CGREF1: variants seen among roughly 807,000 people sequenced by gnomAD.
The protein encoded by CGREF1 is cell growth regulator with EF-hand domain 1.
Under a neutral mutation model 17.4 loss-of-function variants are expected in CGREF1, and 16 were observed. That is an observed-to-expected ratio of 0.92 (90% confidence interval 0.62 to 1.40). CGREF1 has a LOEUF of 1.40. Among genes scored for constraint, CGREF1 ranks in the 40% most tolerant of loss-of-function variants. CGREF1 has a pLI of 0.00. For synonymous variants in CGREF1, 142 were observed against 154.6 expected (o/e 0.92, Z 0.61); for missense variants, 296 against 376.4 (o/e 0.79, Z 1.77).
Position 27,102,109 on chromosome 2 carries a change from AG to A in CGREF1, c.329del (p.Pro110LeufsTer6). Reference sequence around the variant, plus strand: ...CAGCAGAGCTTACCGGGTTGGTGGTAGGAGAGTTGGCAGCTCCAGGGGCCAG... The same window carrying A: ...CAGCAGAGCTTACCGGGTTGGTGGTAGAGAGTTGGCAGCTCCAGGGGCCAG... ...AALAPGAANS[P>X]TTNPVILIVD... is the part of the protein sequence containing the mutation. On this transcript the variant is annotated frameshift_variant, in exon 5 of 6. Coordinates refer to ENST00000402394, the MANE Select transcript of CGREF1 (RefSeq NM_006569.6). LOFTEE classifies it low-confidence loss of function (END_TRUNC). The A allele has an allele frequency of 1.2e-6, 2 of 1,606,706 alleles. No individual in the cohort carries two copies. Among genetic ancestry groups the A allele is most frequent in the Non-Finnish European group, 1.7e-6 (2 of 1,174,266 alleles).
chr2:27,101,989 G>C lies in CGREF1; in HGVS notation c.343-101C>G, dbSNP rs570615054. 6.5e-5 allele frequency: 101 copies of C among 1,561,152 alleles called. No homozygotes were observed. In the African/African-American group the frequency reaches 1.2e-3, roughly 19 times the overall value. On this transcript the variant is annotated intron_variant, in intron 5 of 5. Coordinates refer to ENST00000402394, the MANE Select transcript of CGREF1 (RefSeq NM_006569.6). ...CTTGCATCCCTGCCGTGCAAGCTCTGAGCCCTCCTTTTACAGAGGACTCAC... is the reference window on the plus strand; with the variant it reads ...CTTGCATCCCTGCCGTGCAAGCTCTCAGCCCTCCTTTTACAGAGGACTCAC...
chr2:27,111,448 T>G (rs755042878), intron 1 of CGREF1, among the ~76,000 whole-genome samples: 2 of 152,230 alleles, frequency 1.3e-5, no homozygotes, highest in Non-Finnish European at 2.9e-5. Context: ...TCAGCTGGCT[T>G]CACCCAGTGG....
chr2:27,099,372 G>C, downstream of CGREF1: 1 of 1,611,896 alleles, frequency 6.2e-7, no homozygotes, highest in Non-Finnish European at 8.5e-7. Context: ...GAGGATGGCT[G>C]GGGGGACGGG....
At chr2:27,104,262 G>C in intron 2 of CGREF1, 25 bp downstream of exon 2, 2 of 1,527,466 alleles carry the variant, frequency 1.3e-6, no homozygotes, top group Non-Finnish European at 1.8e-6. Flanking sequence ...CCCAGCCCTT[G>C]GCCCTGCCCT....
intron 1 of CGREF1, among the ~76,000 whole-genome samples, chr2:27,106,832 G>C (rs957739024): frequency 2.0e-5 from 3 of 152,120 alleles, no homozygotes; most frequent in Admixed American, 6.6e-5. Flanking sequence ...TGGCCAAGCT[G>C]GTCTCGAACT....
downstream of CGREF1, chr2:27,100,085 A>C: frequency 1.7e-6 from 1 of 595,752 alleles, no homozygotes. Flanking sequence ...GGCCCAGAGG[A>C]GGGGCTGCCT....
intron 5 of CGREF1, 65 bp from the exon 6 acceptor site, chr2:27,101,953 C>A: frequency 5.7e-6 from 9 of 1,579,932 alleles, no homozygotes; most frequent in Non-Finnish European, 7.7e-6. Context: ...TCTGACCCTC[C>A]CTAACACACC....
At chr2:27,102,732 G>A (rs1670952449) in intron 2 of CGREF1, 141 bp from the exon 3 acceptor site, 1 of 1,004,576 alleles carries the variant, frequency 1.0e-6, no homozygotes, top group South Asian at 1.7e-5. Flanking sequence ...ACCCTGTAGT[G>A]GGGAGGCTCT....
chr2:27,102,523 C>T lies in CGREF1; in HGVS notation c.146+3G>A. 6.2e-7 allele frequency: 1 copy of T among 1,614,084 alleles called. No individual in the cohort carries two copies. The highest frequency in any genetic ancestry group is 8.5e-7 in the Non-Finnish European group (1 of 1,179,936). ...GAAAGCACCCCCGGCCCACCCTACT[C>T]ACCCGAGCTGCTCCTGGCCTGGCTG... is the stretch of plus-strand genomic sequence containing the variant. On this transcript the variant is annotated splice_donor_region_variant and intron_variant, in intron 3 of 5. Transcript: ENST00000402394.
chr2:27,104,876 C>G (rs1482023192), intron 1 of CGREF1: 2 of 1,297,826 alleles, frequency 1.5e-6, no homozygotes, highest in African/African-American at 1.5e-5. Context: ...AAGAACAAAT[C>G]AAAAGAGGCG....
chr2:27,114,343 G>A (rs1265496916), intron 1 of CGREF1, among the ~76,000 whole-genome samples: 2 of 152,018 alleles, frequency 1.3e-5, no homozygotes, highest in East Asian at 1.9e-4. Flanking sequence ...GGATGACTCT[G>A]GGGGGAGCCG....
chr2:27,116,871 T>TTCTCTTTCTCTCTCTC (rs1671586824), intron 1 of CGREF1, among the ~76,000 whole-genome samples: 1 of 33,680 alleles, frequency 3.0e-5, no homozygotes, highest in Non-Finnish European at 5.9e-5. Flanking sequence ...GCCAGGCCTA[T>TTCTCTTTCTCTCTCTC]TCTCTCTCTC....
chr2:27,101,120 A>G lies in CGREF1; in HGVS notation c.*154T>C. ...TTATTGGTAATCTGCCCCTTAACTT[A>G]GGGTCTCCCTGAGCTGCACAGAAAG... is the stretch of plus-strand genomic sequence containing the variant. On this transcript the variant is annotated 3_prime_UTR_variant, in exon 6 of 6. Coordinates refer to ENST00000402394, the MANE Select transcript of CGREF1 (RefSeq NM_006569.6). 7.1e-7 allele frequency: 1 copy of G among 1,402,990 alleles called. No individual in the cohort carries two copies. Among genetic ancestry groups the G allele is most frequent in the Non-Finnish European group, 9.2e-7 (1 of 1,085,616 alleles). 86.9% of individuals were successfully genotyped at this position (1,402,990 alleles called of 1,614,324 possible). A position where few individuals can be genotyped will look rare whatever the true frequency, so the allele number is the denominator to read the frequency against.
At chr2:27,112,162 A>C (rs949899296) in intron 1 of CGREF1, among the ~76,000 whole-genome samples, 4 of 152,192 alleles carry the variant, frequency 2.6e-5, no homozygotes, top group Admixed American at 2.6e-4. Context: ...CTGTAGTCCT[A>C]GCTACTTGGG....
At chr2:27,116,079 A>C (rs1353177499) in intron 1 of CGREF1, among the ~76,000 whole-genome samples, 1 of 151,804 alleles carries the variant, frequency 6.6e-6, no homozygotes, top group East Asian at 1.9e-4. Context: ...ATTGTTTTTA[A>C]TTAGACAGCA....
At chr2:27,110,053 G>A (rs566452510) in intron 1 of CGREF1, among the ~76,000 whole-genome samples, 9 of 151,886 alleles carry the variant, frequency 5.9e-5, no homozygotes, top group African/African-American at 1.9e-4. Flanking sequence ...AGGAAAAGAT[G>A]AAAAAGAAGA....
chr2:27,102,373 C>G lies in CGREF1; in HGVS notation c.204G>C (p.Leu68=), dbSNP rs1174645885. Residue 68 remains leucine, a synonymous_variant, in exon 4 of 6, where the codon CTG becomes CTC. Transcript: ENST00000402394. ...LGRTEVQLEH[L]SREQVLLYLF... is the part of the protein sequence containing the mutation. ...CCAGCCCCTCACCCTGCTCCCGGCT[C>G]AGATGCTCCAGTTGCACTTCTGTCC... is the stretch of plus-strand genomic sequence containing the variant. 1 of 1,614,182 alleles carries G rather than the reference C, an allele frequency of 6.2e-7. No individual in the cohort carries two copies. The highest frequency in any genetic ancestry group is 2.2e-5 in the East Asian group (1 of 44,888).
chr2:27,104,234 C>T (rs1671028580), intron 2 of CGREF1, 53 bp downstream of exon 2: 1 of 1,511,320 alleles, frequency 6.6e-7, no homozygotes, highest in Non-Finnish European at 8.8e-7. Flanking sequence ...CTTGGATTCT[C>T]TAGAGACTTT....
intron 1 of CGREF1, chr2:27,104,594 T>A: frequency 6.4e-7 from 1 of 1,550,550 alleles, no homozygotes; most frequent in Non-Finnish European, 8.7e-7. Context: ...ATAAAGCACA[T>A]AAAGGCAGGC....
Sources: gnomAD v4.1 joint callset for allele counts (sites outside exome capture counted in the v4.1 genomes callset) on GRCh38, gnomAD v4.1.1 for gene constraint, MANE v1.5 for transcripts, NCBI Gene and HGNC (gene_info 2026-07-23, HGNC 2026-07-21) for gene names.